SGCD: variants seen among roughly 807,000 people sequenced by gnomAD.
SGCD encodes sarcoglycan delta, also known as delta-sarcoglycan.
Under a neutral mutation model 36.6 loss-of-function variants are expected in SGCD, and 18 were observed. The ratio of observed to expected loss-of-function variants is 0.49; its 90% CI spans 0.34 to 0.73. SGCD has a LOEUF of 0.73. Among genes scored for constraint, SGCD ranks in the 30% least tolerant of loss-of-function variants. The pLI is 0.01. For synonymous variants in SGCD, 133 were observed against 130.6 expected, an observed-to-expected ratio of 1.02 and a Z score of -0.12; for missense variants, 387 against 346.7, an observed-to-expected ratio of 1.12 and a Z score of -0.92.
the SGCD span, among the ~76,000 whole-genome samples, chr5:155,773,161 C>A: frequency 6.6e-6 from 1 of 152,144 alleles, no homozygotes; most frequent in African/African-American, 2.4e-5. Context: ...TTGCTCACCT[C>A]TCCTGCCTTT....
At chr5:155,869,318 A>T (rs551283527), upstream of SGCD, among the ~76,000 whole-genome samples, 42 of 152,218 alleles carry the variant, frequency 2.8e-4, no homozygotes, top group Non-Finnish European at 5.3e-4. Flanking sequence ...ATATTGTTGT[A>T]TGAATTAATG....
intron 3 of SGCD, among the ~76,000 whole-genome samples, chr5:156,253,802 A>G (rs1765642624): frequency 6.6e-6 from 1 of 152,188 alleles, no homozygotes; most frequent in Non-Finnish European, 1.5e-5. Context: ...CATACTCTGA[A>G]CACAATTATA....
At position 156,761,919 on chromosome 5, in the gene SGCD, G is replaced by A. The variant is rs561469464; in HGVS notation, c.*2529G>A. On this transcript the variant is annotated 3_prime_UTR_variant, in exon 9 of 9. Transcript: ENST00000337851. ...ACATAACATTCAATTTTTCATTTATGCTAAGTGACCACAGTATACAAAGTA... is the reference window on the plus strand; with the variant it reads ...ACATAACATTCAATTTTTCATTTATACTAAGTGACCACAGTATACAAAGTA... 21 of 152,382 alleles carry A rather than the reference G, an allele frequency of 1.4e-4. No individual in the cohort carries two copies. Among genetic ancestry groups the A allele is most frequent in the Admixed American group, 1.4e-3 (21 of 15,292 alleles). The allele number at this position is 152,382 out of a possible 1,614,324, so 9.4% of individuals were successfully genotyped here. A position where few individuals can be genotyped will look rare whatever the true frequency, so the allele number is the denominator to read the frequency against.
Position 155,880,510 on chromosome 5 carries a change from G to T in SGCD, c.-282+10086G>T, listed in dbSNP as rs143403789. On this transcript the variant is annotated intron_variant, in intron 1 of 9. Transcript: ENST00000517913. ...GATACTTTAACATACATCTCCCCTG[G>T]TGTCTGTCACAGAGCACTGCCAAAA... Among the ~76,000 whole-genome samples, 599 of 152,200 alleles carry T rather than the reference G, an allele frequency of 3.9e-3. 3 individuals carry two copies. Among genetic ancestry groups the T allele is most frequent in the Non-Finnish European group, 6.6e-3 (448 of 67,990 alleles).
intron 1 of SGCD, among the ~76,000 whole-genome samples, chr5:156,015,273 A>C (rs1758945042): frequency 6.6e-6 from 1 of 152,098 alleles, no homozygotes; most frequent in Non-Finnish European, 1.5e-5. Context: ...TTTTTTATTC[A>C]ATAGGTTAAA....
intron 1 of SGCD, among the ~76,000 whole-genome samples, chr5:156,046,464 G>T (rs1759767467): frequency 6.6e-6 from 1 of 151,846 alleles, no homozygotes; most frequent in Non-Finnish European, 1.5e-5. Context: ...AAAGTCTATT[G>T]GTGCCATTTT....
At chr5:155,795,841 G>A in the SGCD span, among the ~76,000 whole-genome samples, 6 of 152,158 alleles carry the variant, frequency 3.9e-5, no homozygotes, top group African/African-American at 1.4e-4. Context: ...AGCTGCTAGA[G>A]TTTTTTAACC....
chr5:156,376,975 A>G (rs1034657126), intron 3 of SGCD, among the ~76,000 whole-genome samples: 1 of 151,754 alleles, frequency 6.6e-6, no homozygotes, highest in African/African-American at 2.4e-5. Context: ...AATCATCAAT[A>G]AAAAAAATGA....
At chr5:156,068,430 T>A (rs1333054520) in intron 1 of SGCD, among the ~76,000 whole-genome samples, 2 of 152,172 alleles carry the variant, frequency 1.3e-5, no homozygotes, top group African/African-American at 4.8e-5. Context: ...ATTTCATCCA[T>A]GTCCCTACAA....
intron 1 of SGCD, among the ~76,000 whole-genome samples, chr5:155,951,328 A>G (rs1449963097): frequency 6.6e-6 from 1 of 152,162 alleles, no homozygotes; most frequent in Non-Finnish European, 1.5e-5. Context: ...CATTCACATA[A>G]TGGAACTCTG....
At chr5:156,395,555 T>A (rs536711237) in intron 3 of SGCD, among the ~76,000 whole-genome samples, 94 of 152,332 alleles carry the variant, frequency 6.2e-4, no homozygotes, top group African/African-American at 2.2e-3. Context: ...CTGCATTTTG[T>A]GGGACTCAGT....
intron 3 of SGCD, among the ~76,000 whole-genome samples, chr5:156,458,049 C>T (rs1754331859): frequency 6.6e-6 from 1 of 152,132 alleles, no homozygotes; most frequent in Non-Finnish European, 1.5e-5. Flanking sequence ...CTGTGGCAAA[C>T]ACAAGGAAAG....
At chr5:155,876,289 G>A (rs919203386) in intron 1 of SGCD, among the ~76,000 whole-genome samples, 7 of 144,176 alleles carry the variant, frequency 4.9e-5, no homozygotes, top group Admixed American at 1.5e-4. Flanking sequence ...TGAAGCTTAC[G>A]TAGATAAGAG....
intron 3 of SGCD, among the ~76,000 whole-genome samples, chr5:156,133,941 A>G (rs1027497888): frequency 1.3e-5 from 2 of 151,700 alleles, no homozygotes; most frequent in Admixed American, 6.6e-5. Context: ...ACACACACAC[A>G]CACACACACA....
intron 1 of SGCD, among the ~76,000 whole-genome samples, chr5:156,040,822 A>G (rs1337872148): frequency 1.3e-5 from 2 of 152,080 alleles, no homozygotes; most frequent in African/African-American, 2.4e-5. Context: ...GGCTTTGAAA[A>G]TCCTCTACTG....
chr5:155,896,120 A>G (rs1291516020), intron 1 of SGCD, among the ~76,000 whole-genome samples: 1 of 152,156 alleles, frequency 6.6e-6, no homozygotes, highest in African/African-American at 2.4e-5. Context: ...AACATCCATA[A>G]CAGAGAGCCC....
At chr5:155,900,459 A>G (rs1463841943) in intron 1 of SGCD, among the ~76,000 whole-genome samples, 1 of 151,948 alleles carries the variant, frequency 6.6e-6, no homozygotes, top group East Asian at 1.9e-4. Context: ...GTCTTAGGGT[A>G]CATGTGCACA....
At chr5:156,304,195 C>T (rs548764029) in intron 3 of SGCD, among the ~76,000 whole-genome samples, 2 of 152,284 alleles carry the variant, frequency 1.3e-5, no homozygotes, top group East Asian at 3.9e-4. Context: ...TCTATTGTCA[C>T]CCACTGAGTT....
At chr5:156,209,095 T>G (rs970678325) in intron 3 of SGCD, among the ~76,000 whole-genome samples, 1 of 152,074 alleles carries the variant, frequency 6.6e-6, no homozygotes, top group Non-Finnish European at 1.5e-5. Flanking sequence ...AATAAGGCAC[T>G]AGACAGGCCC....
Sources: gnomAD v4.1 joint callset for allele counts (sites outside exome capture counted in the v4.1 genomes callset) on GRCh38, gnomAD v4.1.1 for gene constraint, MANE v1.5 for transcripts, NCBI Gene and HGNC (gene_info 2026-07-23, HGNC 2026-07-21) for gene names.